MSANTD1: variants seen among roughly 807,000 people sequenced by gnomAD.
MSANTD1 encodes Myb/SANT DNA binding domain containing 1, also known as myb/SANT-like DNA-binding domain-containing protein 1.
Under a neutral mutation model 24.2 loss-of-function variants are expected in MSANTD1, and 7 were observed. The ratio of observed to expected loss-of-function variants is 0.29; its 90% CI spans 0.16 to 0.54. MSANTD1 has a LOEUF of 0.54. Among genes scored for constraint, MSANTD1 ranks in the 20% least tolerant of loss-of-function variants. The pLI, the probability that MSANTD1 is intolerant of heterozygous loss-of-function variation, is 0.94. For missense variants in MSANTD1, 384 were observed against 408.2 expected, an observed-to-expected ratio of 0.94 and a Z score of 0.51; for synonymous variants, 177 against 181.1, an observed-to-expected ratio of 0.98 and a Z score of 0.18.
chr4:3,249,284 C>T lies in MSANTD1; in HGVS notation c.62C>T (p.Ser21Phe). The change falls in exon 1 of 3, where the codon TCC becomes TTC. Residue 21 changes from serine (S) to phenylalanine (F), a missense_variant. By Grantham distance (155) the Ser-to-Phe change is radical. Coordinates refer to ENST00000438480, the MANE Select transcript of MSANTD1 (RefSeq NM_001042690.2). The stretch of plus-strand genomic sequence containing the variant: ...GCGCTCTCTCACCCCACAGGCGCCT[C>T]CGGCATGGCGGCGGCCGAGGGGCCC... Reference protein sequence around the residue: ...LSALSHPTGASGMAAAEGPGY... With the variant: ...LSALSHPTGAFGMAAAEGPGY... 1 of 1,522,290 alleles carries T rather than the reference C, an allele frequency of 6.6e-7. No homozygotes were observed. Among genetic ancestry groups the T allele is most frequent in the Non-Finnish European group, 8.8e-7 (1 of 1,130,442 alleles). 94.3% of individuals were successfully genotyped at this position (1,522,290 alleles called of 1,614,324 possible).
intron 2 of MSANTD1, 141 bp from the exon 3 acceptor site, chr4:3,255,584 G>A (rs1291712191): frequency 8.8e-7 from 1 of 1,141,906 alleles, no homozygotes. Context: ...CATGGAATAT[G>A]AGACCCTGAG....
At chr4:3,247,742 C>G (rs1163891166), upstream of MSANTD1, 2 of 152,266 alleles carry the variant, frequency 1.3e-5, no homozygotes, top group African/African-American at 2.4e-5. Context: ...ATCCCTGGGG[C>G]CCTCCCCATA....
chr4:3,253,524 A>G (rs1722296152), intron 2 of MSANTD1, 42 bp downstream of exon 2: 2 of 1,447,606 alleles, frequency 1.4e-6, no homozygotes, highest in Non-Finnish European at 1.8e-6. Context: ...GGGGTATCTC[A>G]GCCCCCACCA....
Position 3,249,210 on chromosome 4 carries a change from G to A in MSANTD1, c.-13G>A. On this transcript the variant is annotated 5_prime_UTR_variant, in exon 1 of 3. Coordinates refer to ENST00000438480, the MANE Select transcript of MSANTD1 (RefSeq NM_001042690.2). ...AGCTGCCTTCGAGCGAGCGTGAGCGGCGCCTCCCGCCCATGGTGCGTGGGG... is the reference window on the plus strand; with the variant it reads ...AGCTGCCTTCGAGCGAGCGTGAGCGACGCCTCCCGCCCATGGTGCGTGGGG... 1 of 1,381,644 alleles carries A rather than the reference G, an allele frequency of 7.2e-7. No individual in the cohort carries two copies. Among genetic ancestry groups the A allele is most frequent in the Non-Finnish European group, 9.3e-7 (1 of 1,070,558 alleles). 85.6% of individuals were successfully genotyped at this position (1,381,644 alleles called of 1,614,324 possible).
At chr4:3,255,607 C>T in intron 2 of MSANTD1, 118 bp from the exon 3 acceptor site, 2 of 1,307,816 alleles carry the variant, frequency 1.5e-6, no homozygotes, top group East Asian at 5.2e-5. Flanking sequence ...AGTGACCTGA[C>T]TCCCTGGGGC....
At position 3,253,286 on chromosome 4, in the gene MSANTD1, A is replaced by G; in HGVS notation, c.400A>G (p.Lys134Glu). The G allele has an allele frequency of 6.2e-7, 1 of 1,608,250 alleles. No homozygotes were observed. The highest frequency in any genetic ancestry group is 1.1e-5 in the South Asian group (1 of 89,894). ...YYLAIDGILA[K>E]VPESCDGKLP... ...CCTAGCCATTGATGGGATTCTGGCC[A>G]AGGTCCCCGAGTCCTGTGATGGCAA... is the stretch of plus-strand genomic sequence containing the variant. Residue 134 changes from lysine (K) to glutamate (E), a missense_variant, in exon 2 of 3, where the codon AAG (lysine) becomes GAG (glutamate). By Grantham distance (56) the Lys-to-Glu change is moderately conservative. Transcript: ENST00000438480.
chr4:3,251,982 A>C (rs1348493955), intron 1 of MSANTD1, among the ~76,000 whole-genome samples: 1 of 152,206 alleles, frequency 6.6e-6, no homozygotes, highest in Non-Finnish European at 1.5e-5. Flanking sequence ...CCTGCTCACC[A>C]TCTGGCTGTG....
At chr4:3,251,671 C>A (rs1244293832) in intron 1 of MSANTD1, among the ~76,000 whole-genome samples, 2 of 150,632 alleles carry the variant, frequency 1.3e-5, no homozygotes, top group Admixed American at 6.6e-5. Context: ...ATAGCAGAGG[C>A]TTTTCTTTTT....
chr4:3,250,656 C>T lies in MSANTD1; in HGVS notation c.320+1114C>T, dbSNP rs567571777. Among the ~76,000 whole-genome samples, 120 of 152,298 alleles carry T rather than the reference C, an allele frequency of 7.9e-4. 1 individual carries two copies. The highest frequency in any genetic ancestry group is 2.7e-3 in the African/African-American group (112 of 41,566). ...AGCAGAGAGCACCCGGCCCTGTGGG[C>T]GGCCTGGACAGGGCTGGGCCTGGGG... On this transcript the variant is annotated intron_variant, in intron 1 of 2. Transcript: ENST00000438480.
chr4:3,244,849 A>G (rs1721971541), upstream of MSANTD1: 1 of 152,308 alleles, frequency 6.6e-6, no homozygotes, highest in African/African-American at 2.4e-5. Context: ...CCAAGGGGCC[A>G]GCTCCTGCTG....
upstream of MSANTD1, chr4:3,246,592 G>T: frequency 1.5e-6 from 1 of 667,104 alleles, no homozygotes; most frequent in South Asian, 1.6e-5. Flanking sequence ...TCCCTCAGGT[G>T]CTGCTGGTTG....
intron 1 of MSANTD1, among the ~76,000 whole-genome samples, chr4:3,252,951 CAGAT>C (rs1447694707): frequency 3.9e-5 from 6 of 152,220 alleles, no homozygotes; most frequent in African/African-American, 1.4e-4. Context: ...CCAGCATGCA[CAGAT>C]AACCTTAGTA....
chr4:3,246,659 A>G (rs1722037872), upstream of MSANTD1: 3 of 697,736 alleles, frequency 4.3e-6, no homozygotes, highest in Admixed American at 4.0e-5. Flanking sequence ...CAGGCCATGC[A>G]GCTTTGCCAA....
At chr4:3,251,243 G>T (rs1245029853) in intron 1 of MSANTD1, among the ~76,000 whole-genome samples, 1 of 152,252 alleles carries the variant, frequency 6.6e-6, no homozygotes, top group Admixed American at 6.5e-5. Context: ...GACTGTTCCA[G>T]CAGGCTCCCC....
intron 1 of MSANTD1, among the ~76,000 whole-genome samples, chr4:3,252,122 C>T (rs954382678): frequency 9.2e-5 from 14 of 152,216 alleles, no homozygotes; most frequent in Admixed American, 5.2e-4. Context: ...GTTTGGAGCC[C>T]GGCCTTGGGG....
chr4:3,247,684 C>G (rs1722071954), upstream of MSANTD1: 2 of 152,446 alleles, frequency 1.3e-5, no homozygotes, highest in Non-Finnish European at 2.9e-5. Flanking sequence ...AGGCCTTGAC[C>G]AGGGACCCAG....
chr4:3,250,584 G>A (rs745351369), intron 1 of MSANTD1, among the ~76,000 whole-genome samples: 3 of 152,186 alleles, frequency 2.0e-5, no homozygotes, highest in Non-Finnish European at 4.4e-5. Flanking sequence ...GGTCTTGCAC[G>A]GAGCGAGGGT....
At chr4:3,253,823 G>T (rs1041423737) in intron 2 of MSANTD1, among the ~76,000 whole-genome samples, 7 of 152,184 alleles carry the variant, frequency 4.6e-5, no homozygotes, top group African/African-American at 1.7e-4. Context: ...CATGGGGCCC[G>T]GCACACGGAG....
chr4:3,249,095 A>G (rs1722126200), upstream of MSANTD1: 2 of 816,012 alleles, frequency 2.5e-6, no homozygotes, highest in South Asian at 6.0e-5. Context: ...CTCTGTTGCT[A>G]TGGAAACGTG....
Sources: allele counts gnomAD v4.1 joint callset (sites outside exome capture counted in the v4.1 genomes callset), GRCh38; gene constraint gnomAD v4.1.1; transcripts MANE v1.5; gene names NCBI Gene and HGNC (gene_info 2026-07-23, HGNC 2026-07-21).